Variants in ARID1B observed in about 807,000 individuals in gnomAD.
The protein encoded by ARID1B is AT-rich interaction domain 1B.
ARID1B carries 30 observed loss-of-function variants against 212.3 expected under a neutral mutation model. That is an observed-to-expected ratio of 0.14 (90% confidence interval 0.11 to 0.19). The LOEUF (loss-of-function observed/expected upper bound fraction) is 0.19, where lower values mean the gene tolerates loss of function less well. ARID1B is among the 10% of genes least tolerant of loss of function. ARID1B has a pLI of 1.00. For synonymous variants in ARID1B, 1,402 were observed against 1,301.7 expected (o/e 1.08, Z -1.66); for missense variants, 2,891 against 3,204.0 (o/e 0.90, Z 2.36).
intron 15 of ARID1B, 53 bp from the exon 16 acceptor site, chr6:157,196,112 C>G (rs2128355393): frequency 6.3e-7 from 1 of 1,594,078 alleles, no homozygotes; most frequent in South Asian, 1.1e-5. Flanking sequence ...GATGGATGGG[C>G]CTTTGACTTT....
At chr6:157,049,090 C>G (rs952397377) in intron 4 of ARID1B, among the ~76,000 whole-genome samples, 1 of 150,280 alleles carries the variant, frequency 6.7e-6, no homozygotes, top group South Asian at 2.1e-4. Flanking sequence ...ACAAGAATCA[C>G]TTGAACCAGG....
chr6:157,106,886 G>A (rs1000258541), intron 5 of ARID1B, among the ~76,000 whole-genome samples: 8 of 152,180 alleles, frequency 5.3e-5, no homozygotes, highest in Non-Finnish European at 1.2e-4. Flanking sequence ...GGAAGAAAAA[G>A]GGGAAATATA....
At chr6:156,779,568 C>A in intron 1 of ARID1B, 97 bp downstream of exon 1, 1 of 1,125,102 alleles carries the variant, frequency 8.9e-7, no homozygotes, top group Non-Finnish European at 1.1e-6. Context: ...CCCCGTCTTC[C>A]CGCGGGGGCG....
intron 4 of ARID1B, among the ~76,000 whole-genome samples, chr6:157,000,990 C>T (rs896976005): frequency 2.6e-5 from 4 of 152,104 alleles, no homozygotes; most frequent in African/African-American, 4.8e-5. Flanking sequence ...CCACTGTGCC[C>T]GGCCTAAACA....
At chr6:156,810,562 C>G (rs1372961844) in intron 1 of ARID1B, among the ~76,000 whole-genome samples, 1 of 152,228 alleles carries the variant, frequency 6.6e-6, no homozygotes, top group Non-Finnish European at 1.5e-5. Flanking sequence ...ACAATGGCAA[C>G]CAAACCTTCT....
intron 4 of ARID1B, among the ~76,000 whole-genome samples, chr6:157,058,540 C>T (rs1783123087): frequency 6.6e-6 from 1 of 152,256 alleles, no homozygotes. Context: ...GCTGGGATTA[C>T]AGGCGTGAGC....
intron 4 of ARID1B, among the ~76,000 whole-genome samples, chr6:156,981,116 T>C (rs1562526166): frequency 6.6e-6 from 1 of 152,228 alleles, no homozygotes; most frequent in South Asian, 2.1e-4. Context: ...CTCCCTTGTC[T>C]ACTTCTGAGG....
At chr6:156,893,380 T>C (rs1315316760) in intron 2 of ARID1B, among the ~76,000 whole-genome samples, 1 of 152,192 alleles carries the variant, frequency 6.6e-6, no homozygotes, top group Non-Finnish European at 1.5e-5. Flanking sequence ...TTGGTAATTA[T>C]TCCTTGGATA....
At position 157,148,523 on chromosome 6, in the gene ARID1B, A is replaced by G; in HGVS notation, c.2762-101A>G. 7.6e-7 allele frequency: 1 copy of G among 1,313,524 alleles called. No homozygotes were observed. 81.4% of individuals were successfully genotyped at this position (1,313,524 alleles called of 1,614,324 possible). ...GGAAGGGCCTATAACGGTCATGACT[A>G]ATACTCCGTGCTGATCGCATTGTTG... is the stretch of plus-strand genomic sequence containing the variant. On this transcript the variant is annotated intron_variant, in intron 7 of 19. Coordinates refer to ENST00000636930, the MANE Select transcript of ARID1B (RefSeq NM_001374828.1). The surrounding 1 kb of genome is among the most constrained non-coding windows in gnomAD (Gnocchi z 5.6).
At chr6:157,090,266 A>T (rs969558285) in intron 5 of ARID1B, among the ~76,000 whole-genome samples, 3 of 152,242 alleles carry the variant, frequency 2.0e-5, no homozygotes, top group Admixed American at 6.5e-5. Flanking sequence ...TGAGGAATGG[A>T]CAGGCAGGTG....
At chr6:156,823,594 AAG>A (rs1782533407) in intron 1 of ARID1B, among the ~76,000 whole-genome samples, 1 of 152,100 alleles carries the variant, frequency 6.6e-6, no homozygotes, top group Admixed American at 6.5e-5. Flanking sequence ...CAAAAGAGGG[AAG>A]AGTTTTCTAT....
At chr6:157,055,553 A>G (rs1332059755) in intron 4 of ARID1B, among the ~76,000 whole-genome samples, 1 of 152,214 alleles carries the variant, frequency 6.6e-6, no homozygotes, top group Non-Finnish European at 1.5e-5. Flanking sequence ...CTTTAACAAA[A>G]AGGAAAATTT....
rs1275652333 is a variant in ARID1B, at chr6:157,208,843, CA to C, written c.*959del. ...TATTTTTTCATTAGGGCCATATCTC[CA>C]AAAAAAGAAAGAAAAAATACAAAAA... On this transcript the variant is annotated 3_prime_UTR_variant, in exon 20 of 20. Coordinates refer to ENST00000636930, the MANE Select transcript of ARID1B (RefSeq NM_001374828.1). The C allele has an allele frequency of 9.9e-6, 2 of 202,820 alleles. No individual in the cohort carries two copies. Among genetic ancestry groups the C allele is most frequent in the Non-Finnish European group, 1.9e-5 (2 of 106,276 alleles). 12.6% of individuals were successfully genotyped at this position (202,820 alleles called of 1,614,324 possible). A position where few individuals can be genotyped will look rare whatever the true frequency, so the allele number is the denominator to read the frequency against.
intron 4 of ARID1B, chr6:156,942,581 C>T (rs1260415872): frequency 6.6e-6 from 1 of 151,846 alleles, no homozygotes; most frequent in African/African-American, 2.4e-5. Context: ...AGGACTGCAG[C>T]TCCTGCAAGT....
intron 4 of ARID1B, among the ~76,000 whole-genome samples, chr6:157,058,465 A>G (rs575335052): frequency 1.3e-5 from 2 of 152,264 alleles, no homozygotes; most frequent in African/African-American, 2.4e-5. Flanking sequence ...GGGTTTCACC[A>G]TATTGGCCAG....
intron 4 of ARID1B, among the ~76,000 whole-genome samples, chr6:157,074,031 C>T (rs1183921471): frequency 6.6e-6 from 1 of 152,068 alleles, no homozygotes; most frequent in Admixed American, 6.5e-5. Context: ...TTCCAGAGCC[C>T]GAATTCTATT....
intron 3 of ARID1B, 76 bp downstream of exon 3, chr6:156,901,601 C>G (rs748019152): frequency 4.1e-5 from 61 of 1,483,242 alleles, no homozygotes; most frequent in Non-Finnish European, 5.5e-5. Flanking sequence ...ATCTTCCTGT[C>G]CTTTATTAAA....
In ARID1B at chr6:157,048,343, A is replaced by G. The variant is rs116892499; in HGVS notation, c.2248-36319A>G. On this transcript the variant is annotated intron_variant, in intron 4 of 19. Transcript: ENST00000636930. The stretch of plus-strand genomic sequence containing the variant: ...TATCACTGATAAATACTTGTAAAAG[A>G]TATTCCCAAATAAGCAATAAAAGTA... 8.4e-4 allele frequency among the ~76,000 whole-genome samples: 128 copies of G among 152,356 alleles called. 2 individuals carry two copies. The East Asian group carries it at 8.7e-3, about 10-fold the overall frequency.
At chr6:157,084,987 T>C (rs2128464053) in intron 5 of ARID1B, 82 bp downstream of exon 5, 3 of 1,501,464 alleles carry the variant, frequency 2.0e-6, no homozygotes, top group Middle Eastern at 1.8e-4. Context: ...CACATTACTT[T>C]ACTATTTAAA....
Sources: allele counts gnomAD v4.1 joint callset (sites outside exome capture counted in the v4.1 genomes callset), GRCh38; gene constraint gnomAD v4.1.1; non-coding constraint Gnocchi (gnomAD v3.1); transcripts MANE v1.5; gene names NCBI Gene and HGNC (gene_info 2026-07-23, HGNC 2026-07-21).